Variants in NUDCD3 observed in about 807,000 individuals in gnomAD.
NUDCD3 encodes the protein nudC domain-containing protein 3.
In NUDCD3, 13 loss-of-function variants were observed where a neutral mutation model predicts 39.7. The observed-to-expected ratio is 0.33, with a 90% CI of 0.21 to 0.52. NUDCD3 has a LOEUF of 0.52. Ranked by LOEUF, NUDCD3 falls within the 20% of genes least tolerant of loss-of-function variation. NUDCD3 has a pLI of 0.96. For missense variants in NUDCD3, 453 were observed against 458.1 expected (o/e 0.99, Z 0.10); for synonymous variants, 175 against 172.4 (o/e 1.02, Z -0.12).
chr7:44,394,728 G>T (rs1798590921), intron 4 of NUDCD3, among the ~76,000 whole-genome samples: 1 of 152,194 alleles, frequency 6.6e-6, no homozygotes, highest in Non-Finnish European at 1.5e-5. Context: ...GCATGAAGAG[G>T]CAAAGCAGAG....
At chr7:44,451,180 C>T (rs1799788066) in intron 2 of NUDCD3, among the ~76,000 whole-genome samples, 1 of 152,214 alleles carries the variant, frequency 6.6e-6, no homozygotes, top group Non-Finnish European at 1.5e-5. Flanking sequence ...ACACATGCTA[C>T]AACATGGATG....
intron 3 of NUDCD3, among the ~76,000 whole-genome samples, chr7:44,417,217 T>C (rs1256110863): frequency 1.3e-5 from 2 of 152,194 alleles, no homozygotes; most frequent in Admixed American, 6.5e-5. Context: ...TTGGTGATAG[T>C]AGAGCCACAT....
At chr7:44,435,401 T>C (rs1799444985) in intron 2 of NUDCD3, among the ~76,000 whole-genome samples, 1 of 152,078 alleles carries the variant, frequency 6.6e-6, no homozygotes, top group Non-Finnish European at 1.5e-5. Context: ...TTCAGAAGGC[T>C]CCCTGCTGGC....
chr7:44,473,195 A>C (rs995086199), intron 2 of NUDCD3, among the ~76,000 whole-genome samples: 2 of 152,254 alleles, frequency 1.3e-5, no homozygotes, highest in East Asian at 3.8e-4. Context: ...GACATGACAC[A>C]GAAGAGGCCA....
intron 3 of NUDCD3, among the ~76,000 whole-genome samples, chr7:44,411,378 T>A (rs529831401): frequency 2.0e-5 from 3 of 152,230 alleles, no homozygotes; most frequent in South Asian, 4.1e-4. Context: ...AAATAATGTA[T>A]CTGACAAGGG....
At chr7:44,432,782 A>G (rs1170772826) in intron 2 of NUDCD3, among the ~76,000 whole-genome samples, 2 of 152,142 alleles carry the variant, frequency 1.3e-5, no homozygotes, top group Non-Finnish European at 2.9e-5. Flanking sequence ...CATCCCTGTC[A>G]CCCTCATCTC....
At chr7:44,441,091 A>G (rs11772065) in intron 2 of NUDCD3, among the ~76,000 whole-genome samples, 20,584 of 152,212 alleles carry the variant, frequency 0.14, 1,719 homozygotes, top group Non-Finnish European at 0.19. Flanking sequence ...GGGTGCCACT[A>G]TTCACAGCAC....
chr7:44,458,188 C>T (rs909005461), intron 2 of NUDCD3, among the ~76,000 whole-genome samples: 1 of 152,116 alleles, frequency 6.6e-6, no homozygotes, highest in African/African-American at 2.4e-5. Flanking sequence ...TGAAAACACT[C>T]CATTAAGTGA....
chr7:44,403,449 G>A (rs1470346406), intron 4 of NUDCD3, among the ~76,000 whole-genome samples: 1 of 152,248 alleles, frequency 6.6e-6, no homozygotes, highest in Non-Finnish European at 1.5e-5. Context: ...TGTAGCCAGA[G>A]TGAGCTCCAT....
intron 4 of NUDCD3, among the ~76,000 whole-genome samples, chr7:44,398,428 C>T (rs1798661531): frequency 6.6e-6 from 1 of 152,114 alleles, no homozygotes; most frequent in African/African-American, 2.4e-5. Flanking sequence ...TCAATCATTT[C>T]CCTGGCACGT....
At chr7:44,448,934 G>A (rs1254664427) in intron 2 of NUDCD3, among the ~76,000 whole-genome samples, 1 of 152,206 alleles carries the variant, frequency 6.6e-6, no homozygotes, top group African/African-American at 2.4e-5. Flanking sequence ...TGGGCAATGA[G>A]GAAAATGGTA....
chr7:44,414,856 C>T (rs1798992248), intron 3 of NUDCD3, among the ~76,000 whole-genome samples: 1 of 152,186 alleles, frequency 6.6e-6, no homozygotes, highest in South Asian at 2.1e-4. Flanking sequence ...GGCAAGGCCT[C>T]ACTACGAATC....
chr7:44,485,231 C>T lies in NUDCD3; in HGVS notation c.246G>A (p.Gln82=). 1 of 1,614,166 alleles carries T rather than the reference C, an allele frequency of 6.2e-7. No homozygotes were observed. Among genetic ancestry groups the T allele is most frequent in the Non-Finnish European group, 8.5e-7 (1 of 1,180,004 alleles). ...TTCTTCTGATTTTCTCTTCAAGTTC[C>T]TGCCTTCTCTTCTCATCATCCTGAC... ...MARQDDEKRR[Q]ELEEKIRRKE... is the part of the protein sequence containing the mutation. Residue 82 remains glutamine (Q), a synonymous_variant, in exon 2 of 6, where the codon CAG becomes CAA. Transcript: ENST00000355451.
rs75213700 is a variant in NUDCD3, at chr7:44,439,595, T to TA, written c.510-11893dup. Among the ~76,000 whole-genome samples the TA allele has an allele frequency of 8.5e-3, 971 of 113,942 alleles. 9 individuals are homozygous for TA. The highest frequency in any genetic ancestry group is 0.02 in the African/African-American group (615 of 30,414). 74.8% of individuals were successfully genotyped at this position (113,942 alleles called of 152,430 possible). On this transcript the variant is annotated intron_variant, in intron 2 of 5. Coordinates refer to ENST00000355451, the MANE Select transcript of NUDCD3 (RefSeq NM_015332.4). ...TAGTGCCAAAAAGTAAGGAAGTGCTTAAAAAAAAAAAAAACAGTTGGGGAG... is the reference window on the plus strand; with the variant it reads ...TAGTGCCAAAAAGTAAGGAAGTGCTTAAAAAAAAAAAAAAACAGTTGGGGAG...
At chr7:44,420,119 T>C (rs1324669745) in intron 3 of NUDCD3, among the ~76,000 whole-genome samples, 1 of 152,020 alleles carries the variant, frequency 6.6e-6, no homozygotes, top group Non-Finnish European at 1.5e-5. Context: ...TTACAGGAAC[T>C]GCTAACTAGA....
chr7:44,395,965 A>C (rs1798615879), intron 4 of NUDCD3, among the ~76,000 whole-genome samples: 1 of 152,148 alleles, frequency 6.6e-6, no homozygotes, highest in African/African-American at 2.4e-5. Flanking sequence ...GTAATTCTAC[A>C]GTTAACTTTT....
chr7:44,392,362 C>A lies in NUDCD3; in HGVS notation c.910G>T (p.Val304Leu). The change falls in exon 5 of 6, where the codon GTG (valine) becomes TTG (leucine). Residue 304 changes from valine (V) to leucine (L), a missense_variant. By Grantham distance (32) the Val-to-Leu change is conservative. Coordinates refer to ENST00000355451, the MANE Select transcript of NUDCD3 (RefSeq NM_015332.4). ...TAGTCAAAGGTAAGCCTGTCCAACA[C>A]CGCCTGTTCCTCCTCATCCACGGTG... ...MATVDEEEQA[V>L]LDRLTFDYHQ... 6.2e-7 allele frequency: 1 copy of A among 1,614,216 alleles called. No homozygotes were observed. The highest frequency in any genetic ancestry group is 1.1e-5 in the South Asian group (1 of 91,090).
At chr7:44,414,759 C>T (rs935630999) in intron 3 of NUDCD3, among the ~76,000 whole-genome samples, 8 of 152,172 alleles carry the variant, frequency 5.3e-5, no homozygotes, top group East Asian at 1.9e-4. Flanking sequence ...TATAATAAAA[C>T]GTTTTCCTGC....
rs1399577510 is a variant in NUDCD3, at chr7:44,383,425, ATCT to A, written c.*2583_*2585del. 6.6e-6 allele frequency: 1 copy of A among 152,240 alleles called. No homozygotes were observed. Among genetic ancestry groups the A allele is most frequent in the Non-Finnish European group, 1.5e-5 (1 of 68,048 alleles). The allele number at this position is 152,240 out of a possible 1,614,324, so 9.4% of individuals were successfully genotyped here. A position where few individuals can be genotyped will look rare whatever the true frequency, so the allele number is the denominator to read the frequency against. Reference sequence around the variant, plus strand: ...ACAGGATTTCTAAAGCTGTATTGAGATCTTGCCCAGTGCATTCAGACCAGATGG... The same window carrying A: ...ACAGGATTTCTAAAGCTGTATTGAGATGCCCAGTGCATTCAGACCAGATGG... On this transcript the variant is annotated 3_prime_UTR_variant, in exon 6 of 6. Transcript: ENST00000355451.
Sources: gnomAD v4.1 joint callset for allele counts (sites outside exome capture counted in the v4.1 genomes callset) on GRCh38, gnomAD v4.1.1 for gene constraint, MANE v1.5 for transcripts, NCBI Gene and HGNC (gene_info 2026-07-23, HGNC 2026-07-21) for gene names.